Variants in COL6A5 observed in about 807,000 individuals in gnomAD.
The protein encoded by COL6A5 is collagen alpha-5(VI) chain.
In COL6A5, 48 loss-of-function variants were observed where a neutral mutation model predicts 65.6. The observed-to-expected ratio is 0.73, with a 90% confidence interval of 0.58 to 0.93. The LOEUF is 0.93. COL6A5 is among the 40% of genes least tolerant of loss of function. The pLI is 0.00. For missense variants in COL6A5, 914 were observed against 928.3 expected (o/e 0.98, Z 0.20); for synonymous variants, 291 against 322.8 (o/e 0.90, Z 1.05).
chr3:130,391,814 A>T, intron 7 of COL6A5, 60 bp downstream of exon 7: 1 of 1,287,668 alleles, frequency 7.8e-7, no homozygotes, highest in Non-Finnish European at 1.1e-6. Flanking sequence ...ACAAAAAGTA[A>T]ATCATAAGTC....
exon 1 of COL6A5, chr3:130,431,894 A>G: frequency 6.4e-7 from 1 of 1,551,552 alleles, no homozygotes; most frequent in Non-Finnish European, 8.7e-7. Context: ...AGTGCCCTGG[A>G]TATCAGTCCA....
intron 7 of COL6A5, among the ~76,000 whole-genome samples, chr3:130,482,810 G>A (rs920944155): frequency 3.3e-5 from 5 of 152,092 alleles, no homozygotes; most frequent in East Asian, 3.9e-4. Flanking sequence ...TGTAGCAATC[G>A]TGAATGTGAG....
chr3:130,468,034 T>C, intron 5 of COL6A5, among the ~76,000 whole-genome samples: 1 of 152,056 alleles, frequency 6.6e-6, no homozygotes, highest in East Asian at 1.9e-4. Context: ...GAAGTGCTCA[T>C]CTGCAGCAAG....
In COL6A5 at chr3:130,413,531, CT is replaced by C; in HGVS notation, c.4663-10del. On this transcript the variant is annotated splice_polypyrimidine_tract_variant and intron_variant and NMD_transcript_variant, in intron 20 of 41. Coordinates refer to the COL6A5 transcript ENST00000312481. ...AGACATCCACATACTAACAGTTTGC[CT>C]TTTCTGTCCCAGGGAAGAGAAGGTC... The C allele has an allele frequency of 2.6e-6, 4 of 1,547,964 alleles. No individual in the cohort carries two copies. Among genetic ancestry groups the C allele is most frequent in the Non-Finnish European group, 3.5e-6 (4 of 1,144,042 alleles).
At chr3:130,414,630 G>A (rs1022276748) in intron 22 of COL6A5, among the ~76,000 whole-genome samples, 2 of 152,042 alleles carry the variant, frequency 1.3e-5, no homozygotes, top group Non-Finnish European at 2.9e-5. Context: ...TGTGAGCACC[G>A]GAAGTCAGAG....
chr3:130,393,649 C>A (rs1388195140), intron 7 of COL6A5, among the ~76,000 whole-genome samples: 1 of 152,126 alleles, frequency 6.6e-6, no homozygotes, highest in Non-Finnish European at 1.5e-5. Flanking sequence ...GGGATCCACA[C>A]CTGTAAAATA....
intron 1 of COL6A5, among the ~76,000 whole-genome samples, chr3:130,434,877 A>G (rs997985772): frequency 6.6e-6 from 1 of 151,714 alleles, no homozygotes; most frequent in African/African-American, 2.4e-5. Flanking sequence ...AATTTTCTCC[A>G]TTTCTGTAGG....
chr3:130,406,764 T>C (rs1397105454), intron 17 of COL6A5, among the ~76,000 whole-genome samples: 1 of 152,220 alleles, frequency 6.6e-6, no homozygotes, highest in Non-Finnish European at 1.5e-5. Flanking sequence ...TTACATTTAT[T>C]TCAACACTCA....
At chr3:130,401,971 C>T in intron 12 of COL6A5, 117 bp downstream of exon 12, 2 of 716,890 alleles carry the variant, frequency 2.8e-6, no homozygotes, top group South Asian at 2.2e-5. Flanking sequence ...TTGCTTTGGA[C>T]ATTTCATGTG....
chr3:130,374,236 G>A (rs1028333805), intron 2 of COL6A5, among the ~76,000 whole-genome samples: 3 of 152,110 alleles, frequency 2.0e-5, no homozygotes, highest in Non-Finnish European at 4.4e-5. Flanking sequence ...TACCTAGATG[G>A]TGTAGCCTAC....
exon 10 of COL6A5, chr3:130,398,111 G>A: frequency 6.7e-7 from 1 of 1,485,050 alleles, no homozygotes; most frequent in African/African-American, 1.4e-5. Context: ...CAGAGAAGCA[G>A]GTATTGAGTT....
chr3:130,399,389 G>C (rs925871473), intron 10 of COL6A5, among the ~76,000 whole-genome samples: 35 of 49,560 alleles, frequency 7.1e-4, no homozygotes, highest in African/African-American at 2.6e-3. Context: ...TTTTTTTTTT[G>C]AGACAAAGTC....
exon 4 of COL6A5, chr3:130,380,036 A>G (rs888420716): frequency 7.2e-6 from 11 of 1,522,684 alleles, no homozygotes; most frequent in Non-Finnish European, 9.7e-6. Context: ...GAACAAAGGA[A>G]TCTTGATAAA....
At chr3:130,470,725 A>G (rs1577541183) in intron 6 of COL6A5, 146 bp from the exon 39 acceptor site, 3 of 604,030 alleles carry the variant, frequency 5.0e-6, no homozygotes, top group Non-Finnish European at 9.0e-6. Flanking sequence ...AAGAATTTCC[A>G]TGTCAGAGTG....
At chr3:130,427,460 G>T (rs1462734844), upstream of COL6A5, among the ~76,000 whole-genome samples, 1 of 152,166 alleles carries the variant, frequency 6.6e-6, no homozygotes, top group Non-Finnish European at 1.5e-5. Flanking sequence ...CGTCAGGCTA[G>T]CAGGGGAGAG....
At chr3:130,479,040 G>A (rs1710167726) in intron 7 of COL6A5, among the ~76,000 whole-genome samples, 1 of 152,008 alleles carries the variant, frequency 6.6e-6, no homozygotes, top group African/African-American at 2.4e-5. Context: ...TAATGCTATG[G>A]CCTGAATGTT....
chr3:130,414,941 A>T (rs907332361), intron 22 of COL6A5, among the ~76,000 whole-genome samples: 10 of 152,000 alleles, frequency 6.6e-5, no homozygotes, highest in Admixed American at 6.6e-4. Context: ...TTGGGTAGGG[A>T]TGGGACCAGC....
intron 6 of COL6A5, 86 bp from the exon 39 acceptor site, chr3:130,470,785 A>AAG: frequency 1.1e-6 from 1 of 946,700 alleles, no homozygotes; most frequent in Non-Finnish European, 1.7e-6. Context: ...AAACACTGCC[A>AAG]ACCACGTGAA....
At chr3:130,419,043 G>A in intron 25 of COL6A5, 112 bp downstream of exon 25, 1 of 809,274 alleles carries the variant, frequency 1.2e-6, no homozygotes, top group Non-Finnish European at 2.1e-6. Flanking sequence ...AGGTATTTCA[G>A]CATCTAGGAA....
Sources: allele counts gnomAD v4.1 joint callset (sites outside exome capture counted in the v4.1 genomes callset), GRCh38; gene constraint gnomAD v4.1.1; transcripts MANE v1.5; gene names NCBI Gene and HGNC (gene_info 2026-07-23, HGNC 2026-07-21).